Variants in CCDC170 observed in about 807,000 individuals in gnomAD.
CCDC170 encodes the protein coiled-coil domain-containing protein 170.
A neutral mutation model predicts 72.6 loss-of-function variants in CCDC170; 69 were observed. The observed-to-expected ratio is 0.95, with a 90% CI of 0.78 to 1.16. CCDC170 has a LOEUF of 1.16. Ranked by LOEUF, CCDC170 falls within the 50% of genes most tolerant of loss-of-function variation. CCDC170 has a pLI of 0.00. For missense variants in CCDC170, 852 were observed against 832.5 expected, an observed-to-expected ratio of 1.02 and a Z score of -0.29; for synonymous variants, 300 against 303.9, an observed-to-expected ratio of 0.99 and a Z score of 0.13.
At chr6:151,506,618 C>T (rs537283393) in intron 1 of CCDC170, among the ~76,000 whole-genome samples, 1 of 152,146 alleles carries the variant, frequency 6.6e-6, no homozygotes, top group African/African-American at 2.4e-5. Context: ...ATTTTTGTAA[C>T]CTTGTGTAAT....
At chr6:151,564,653 T>G (rs1776101578) in intron 5 of CCDC170, among the ~76,000 whole-genome samples, 2 of 152,128 alleles carry the variant, frequency 1.3e-5, no homozygotes, top group South Asian at 4.2e-4. Flanking sequence ...TGTGTGCAGG[T>G]GGGTGCCATC....
At chr6:151,511,991 G>T (rs915408526) in intron 1 of CCDC170, among the ~76,000 whole-genome samples, 1 of 151,476 alleles carries the variant, frequency 6.6e-6, no homozygotes, top group Non-Finnish European at 1.5e-5. Flanking sequence ...GGACCATAGG[G>T]ACACTACCAT....
At chr6:151,525,368 A>T (rs1782388892) in intron 1 of CCDC170, among the ~76,000 whole-genome samples, 1 of 152,198 alleles carries the variant, frequency 6.6e-6, no homozygotes, top group Non-Finnish European at 1.5e-5. Context: ...CAACTGCAGA[A>T]CCACAAAAGA....
intron 1 of CCDC170, among the ~76,000 whole-genome samples, chr6:151,517,663 C>T (rs991916489): frequency 2.0e-5 from 3 of 151,766 alleles, no homozygotes; most frequent in African/African-American, 7.3e-5. Context: ...AGGCTGGTCT[C>T]GAACTCCTGA....
In CCDC170 at chr6:151,588,936, A is replaced by AAAAC. The variant is rs371404673; in HGVS notation, c.1293+2867_1293+2870dup. Among the ~76,000 whole-genome samples, 676 of 152,028 alleles carry AAAAC rather than the reference A, an allele frequency of 4.4e-3. 7 individuals are homozygous for AAAAC. The highest frequency in any genetic ancestry group is 0.015 in the African/African-American group (634 of 41,450). On this transcript the variant is annotated intron_variant, in intron 7 of 10. Coordinates refer to ENST00000239374, the MANE Select transcript of CCDC170 (RefSeq NM_025059.4). ...AGGTGACAGAGTGAGACCCCGTCTC[A>AAAAC]AAACAAACAAACAAACAAACAAAAA...
intron 1 of CCDC170, among the ~76,000 whole-genome samples, chr6:151,530,651 A>G (rs1030131668): frequency 6.6e-6 from 1 of 152,060 alleles, no homozygotes; most frequent in African/African-American, 2.4e-5. Flanking sequence ...CATGTTGGTC[A>G]GGCTGGTCTT....
chr6:151,540,858 C>T lies in CCDC170; in HGVS notation c.443+2557C>T, dbSNP rs183383675. On this transcript the variant is annotated intron_variant, in intron 3 of 10. Coordinates refer to ENST00000239374, the MANE Select transcript of CCDC170 (RefSeq NM_025059.4). ...TATTTGGTTCATAGGAGTGGTTTTC[C>T]TGCCTCTGACTGTGCCCCCTGCAGC... is the stretch of plus-strand genomic sequence containing the variant. Among the ~76,000 whole-genome samples the T allele has an allele frequency of 1.0e-3, 153 of 152,264 alleles. 1 individual carries two copies. Among genetic ancestry groups the T allele is most frequent in the Non-Finnish European group, 1.8e-3 (124 of 68,002 alleles).
At chr6:151,554,654 G>T (rs1284840171) in intron 5 of CCDC170, among the ~76,000 whole-genome samples, 1 of 151,856 alleles carries the variant, frequency 6.6e-6, no homozygotes, top group Admixed American at 6.6e-5. Context: ...AACCTGGGAG[G>T]CAGAGGTTGC....
intron 6 of CCDC170, among the ~76,000 whole-genome samples, chr6:151,574,719 T>A (rs1053652936): frequency 6.6e-6 from 1 of 152,150 alleles, no homozygotes; most frequent in Non-Finnish European, 1.5e-5. Flanking sequence ...TGTCAGTAAA[T>A]GAGTTATGAA....
chr6:151,498,944 T>C (rs1781949108), intron 1 of CCDC170, among the ~76,000 whole-genome samples: 2 of 151,502 alleles, frequency 1.3e-5, no homozygotes, highest in Admixed American at 1.3e-4. Flanking sequence ...GCACACTGTA[T>C]AAGTGGAATC....
intron 3 of CCDC170, among the ~76,000 whole-genome samples, chr6:151,541,886 A>T (rs63010062): frequency 0.7 from 96,519 of 136,958 alleles, 34,910 homozygotes; most frequent in Non-Finnish European, 0.81. Context: ...ATATATATAT[A>T]TTTTTTTTTT....
chr6:151,543,670 T>A (rs928503939), intron 3 of CCDC170, among the ~76,000 whole-genome samples: 5 of 152,198 alleles, frequency 3.3e-5, no homozygotes, highest in African/African-American at 1.2e-4. Flanking sequence ...CTACTCTGCT[T>A]CTACGAGTTC....
chr6:151,568,875 T>G (rs1162038244), intron 5 of CCDC170, among the ~76,000 whole-genome samples: 1 of 152,220 alleles, frequency 6.6e-6, no homozygotes, highest in African/African-American at 2.4e-5. Context: ...TTTGCTATAT[T>G]ATAATTGGAT....
chr6:151,512,344 G>C (rs971773941), intron 1 of CCDC170, among the ~76,000 whole-genome samples: 1 of 151,760 alleles, frequency 6.6e-6, no homozygotes, highest in Non-Finnish European at 1.5e-5. Context: ...ATTTTTAGTA[G>C]AGAGGAGGTT....
At chr6:151,541,052 C>T (rs1183139942) in intron 3 of CCDC170, among the ~76,000 whole-genome samples, 1 of 152,126 alleles carries the variant, frequency 6.6e-6, no homozygotes, top group African/African-American at 2.4e-5. Flanking sequence ...TATTCCAGAT[C>T]TCTGGCTTCT....
intron 1 of CCDC170, among the ~76,000 whole-genome samples, chr6:151,528,761 A>G (rs1782448698): frequency 6.6e-6 from 1 of 151,738 alleles, no homozygotes; most frequent in South Asian, 2.1e-4. Context: ...TCGCTTGAAT[A>G]CAGGAGGTAG....
chr6:151,595,551 T>TAC (rs1776608624), intron 8 of CCDC170, among the ~76,000 whole-genome samples: 1 of 152,090 alleles, frequency 6.6e-6, no homozygotes, highest in African/African-American at 2.4e-5. Flanking sequence ...TGTGGTGGCT[T>TAC]ACACCTGTAA....
Position 151,618,029 on chromosome 6 carries a change from A to G in CCDC170, c.2030A>G (p.Lys677Arg). Residue 677 changes from lysine to arginine, a missense_variant, in exon 11 of 11, where the codon AAG (lysine) becomes AGG (arginine). Lys to Arg is a conservative substitution (Grantham distance 26, BLOSUM62 2). Transcript: ENST00000239374. ...SLALPDYEII[K>R]CLERLVHSHQ... is the part of the protein sequence containing the mutation. ...GCTCTTCCTGATTATGAAATCATCAAGTGTCTTGAAAGATTGGTCCATTCA... is the reference window on the plus strand; with the variant it reads ...GCTCTTCCTGATTATGAAATCATCAGGTGTCTTGAAAGATTGGTCCATTCA... 1.2e-6 allele frequency: 2 copies of G among 1,614,170 alleles called. No homozygotes were observed. Among genetic ancestry groups the G allele is most frequent in the South Asian group, 1.1e-5 (1 of 91,078 alleles).
intron 6 of CCDC170, among the ~76,000 whole-genome samples, chr6:151,577,338 G>C (rs909077320): frequency 2.6e-5 from 4 of 152,052 alleles, no homozygotes; most frequent in Non-Finnish European, 5.9e-5. Flanking sequence ...GAAAACCACT[G>C]TCTTAGAGGA....
Sources: allele counts gnomAD v4.1 joint callset (sites outside exome capture counted in the v4.1 genomes callset), GRCh38; gene constraint gnomAD v4.1.1; transcripts MANE v1.5; gene names NCBI Gene and HGNC (gene_info 2026-07-23, HGNC 2026-07-21).